The following GNA12 variants were observed in gnomAD, a reference collection of about 807,000 sequenced individuals.
GNA12 encodes the protein G protein subunit alpha 12.
GNA12 carries 9 observed loss-of-function variants against 26.0 expected under a neutral mutation model. The ratio of observed to expected loss-of-function variants is 0.35; its 90% CI spans 0.21 to 0.60. The LOEUF is 0.60. GNA12 is among the 20% of genes least tolerant of loss of function. The probability of loss-of-function intolerance (pLI) is 0.78; values close to 1 mark genes in which losing one functional copy is unlikely to be tolerated. For synonymous variants in GNA12, 264 were observed against 219.6 expected, an observed-to-expected ratio of 1.20 and a Z score of -1.79; for missense variants, 405 against 525.8, an observed-to-expected ratio of 0.77 and a Z score of 2.25.
intron 2 of GNA12, among the ~76,000 whole-genome samples, chr7:2,756,176 T>A (rs961954809): frequency 6.6e-6 from 1 of 152,102 alleles, no homozygotes; most frequent in Non-Finnish European, 1.5e-5. Context: ...TATAAAAAAT[T>A]GACAAGGCAA....
At chr7:2,773,168 C>T (rs1360046456) in intron 2 of GNA12, among the ~76,000 whole-genome samples, 3 of 152,218 alleles carry the variant, frequency 2.0e-5, no homozygotes, top group Non-Finnish European at 4.4e-5. Context: ...TGTTCTTTCA[C>T]GTGGGTGGTG....
chr7:2,821,113 T>C (rs913042789), intron 1 of GNA12, among the ~76,000 whole-genome samples: 1 of 152,216 alleles, frequency 6.6e-6, no homozygotes, highest in Non-Finnish European at 1.5e-5. Flanking sequence ...GTTGTCTAGG[T>C]GAAAGATGCC....
chr7:2,842,100 A>AGAGAAGAAGTG (rs879694805), intron 1 of GNA12, among the ~76,000 whole-genome samples: 1 of 146,748 alleles, frequency 6.8e-6, no homozygotes, highest in Non-Finnish European at 1.5e-5. Flanking sequence ...AAAGGAAGGA[A>AGAGAAGAAGTG]AGGAAGGAAG....
At chr7:2,790,212 CT>C (rs1327867318) in intron 2 of GNA12, among the ~76,000 whole-genome samples, 1 of 152,170 alleles carries the variant, frequency 6.6e-6, no homozygotes, top group Non-Finnish European at 1.5e-5. Flanking sequence ...GAATTGTCTG[CT>C]TTTTTCCTTT....
At chr7:2,841,641 T>A (rs919689781) in intron 1 of GNA12, among the ~76,000 whole-genome samples, 1 of 152,116 alleles carries the variant, frequency 6.6e-6, no homozygotes, top group African/African-American at 2.4e-5. Context: ...TTCACAATCC[T>A]AAAGGAGCTC....
chr7:2,827,581 C>T (rs1793513497), intron 1 of GNA12, among the ~76,000 whole-genome samples: 1 of 152,080 alleles, frequency 6.6e-6, no homozygotes, highest in Non-Finnish European at 1.5e-5. Context: ...TGCATAACCA[C>T]GCTGAGGACA....
chr7:2,787,760 C>G (rs1486784128), intron 2 of GNA12, among the ~76,000 whole-genome samples: 1 of 152,216 alleles, frequency 6.6e-6, no homozygotes, highest in Non-Finnish European at 1.5e-5. Context: ...TACAGCAAGG[C>G]CCAGCACTCA....
intron 2 of GNA12, among the ~76,000 whole-genome samples, chr7:2,784,670 G>A (rs1406749907): frequency 1.3e-5 from 2 of 152,160 alleles, no homozygotes; most frequent in Non-Finnish European, 2.9e-5. Context: ...CACAATGAGT[G>A]GCATGGATGA....
Position 2,843,899 on chromosome 7 carries a change from T to G in GNA12, c.263A>C (p.Lys88Thr), listed in dbSNP as rs2114987139. 6.3e-7 allele frequency: 1 copy of G among 1,575,618 alleles called. No homozygotes were observed. The highest frequency in any genetic ancestry group is 8.6e-7 in the Non-Finnish European group (1 of 1,162,442). ...RIIHGREFDQKALLEFRDTIF... is the reference protein window; with the variant it reads ...RIIHGREFDQTALLEFRDTIF... ...GGTGTCGCGGAACTCCAGCAGCGCCTTCTGGTCGAACTCGCGGCCGTGGAT... is the reference window on the plus strand; with the variant it reads ...GGTGTCGCGGAACTCCAGCAGCGCCGTCTGGTCGAACTCGCGGCCGTGGAT... Residue 88 changes from lysine (K) to threonine (T), a missense_variant, in exon 1 of 4, where the codon AAG becomes ACG. Physicochemically the swap from Lys to Thr is moderately conservative, Grantham distance 78. Coordinates refer to ENST00000275364, the MANE Select transcript of GNA12 (RefSeq NM_007353.3).
chr7:2,763,190 CA>C, intron 2 of GNA12: 2 of 307,848 alleles, frequency 6.5e-6, no homozygotes, highest in East Asian at 1.0e-4. Flanking sequence ...CAAGACACCC[CA>C]ACACACACAC....
intron 2 of GNA12, among the ~76,000 whole-genome samples, chr7:2,741,878 G>C (rs965904342): frequency 6.7e-6 from 1 of 150,150 alleles, no homozygotes; most frequent in Non-Finnish European, 1.5e-5. Context: ...TAATTACCAC[G>C]TATTAGACAC....
intron 2 of GNA12, among the ~76,000 whole-genome samples, chr7:2,769,866 T>A (rs1791904704): frequency 6.6e-6 from 1 of 152,240 alleles, no homozygotes. Context: ...ACACACTGGA[T>A]ATTATCAATT....
chr7:2,795,596 C>T (rs1355834909), intron 1 of GNA12, among the ~76,000 whole-genome samples: 1 of 145,724 alleles, frequency 6.9e-6, no homozygotes, highest in East Asian at 2.0e-4. Flanking sequence ...GCACTATATT[C>T]TAGGCTGGGC....
At chr7:2,741,835 G>A (rs755371015) in intron 2 of GNA12, among the ~76,000 whole-genome samples, 1 of 150,472 alleles carries the variant, frequency 6.6e-6, no homozygotes, top group Non-Finnish European at 1.5e-5. Context: ...AACGCCGCAA[G>A]GATAAGAGTA....
At chr7:2,824,302 A>C (rs1487336640) in intron 1 of GNA12, among the ~76,000 whole-genome samples, 1 of 152,070 alleles carries the variant, frequency 6.6e-6, no homozygotes, top group East Asian at 1.9e-4. Flanking sequence ...CCTCACACAC[A>C]GAGTTAAGGC....
chr7:2,806,457 CAAAA>C (rs34036056), intron 1 of GNA12, among the ~76,000 whole-genome samples: 1 of 80,708 alleles, frequency 1.2e-5, no homozygotes, highest in Admixed American at 1.4e-4. Context: ...GACTCTGTCT[CAAAA>C]AAAAAAAAAA....
intron 2 of GNA12, among the ~76,000 whole-genome samples, chr7:2,763,495 G>C (rs1389873020): frequency 1.3e-5 from 2 of 152,216 alleles, no homozygotes; most frequent in African/African-American, 4.8e-5. Context: ...CAGCAGTGCT[G>C]CTCTATGGCT....
At chr7:2,737,289 G>GTTTTTTTTTTTTTTT (rs11389467) in intron 2 of GNA12, among the ~76,000 whole-genome samples, 135 of 62,268 alleles carry the variant, frequency 2.2e-3, no homozygotes, top group East Asian at 5.6e-3. Flanking sequence ...TTTTTTTTTT[G>GTTTTTTTTTTTTTTT]TTTTTTTTTT....
chr7:2,779,985 GAAC>G (rs991347006), intron 2 of GNA12, among the ~76,000 whole-genome samples: 4 of 146,988 alleles, frequency 2.7e-5, no homozygotes, highest in Non-Finnish European at 4.5e-5. Context: ...AAGAAAAATA[GAAC>G]AACTGAGGTA....
Sources: allele counts gnomAD v4.1 joint callset (sites outside exome capture counted in the v4.1 genomes callset), GRCh38; gene constraint gnomAD v4.1.1; transcripts MANE v1.5; gene names NCBI Gene and HGNC (gene_info 2026-07-23, HGNC 2026-07-21).